The following EML4 variants were observed in gnomAD, a reference collection of about 807,000 sequenced individuals.
EML4 encodes the protein echinoderm microtubule-associated protein-like 4.
EML4 carries 72 observed loss-of-function variants against 129.0 expected under a neutral mutation model. The observed-to-expected ratio is 0.56, with a 90% CI of 0.46 to 0.68. The LOEUF is 0.68. Among genes scored for constraint, EML4 ranks in the 30% least tolerant of loss-of-function variants. The pLI is 0.00. For synonymous variants in EML4, 532 were observed against 405.0 expected, an observed-to-expected ratio of 1.31 and a Z score of -3.77; for missense variants, 1,363 against 1,190.6, an observed-to-expected ratio of 1.14 and a Z score of -2.13.
intron 8 of EML4, among the ~76,000 whole-genome samples, chr2:42,283,407 T>C (rs1667122095): frequency 6.6e-6 from 1 of 152,242 alleles, no homozygotes; most frequent in Admixed American, 6.5e-5. Context: ...ATAAGGATCA[T>C]AAGTATGCCG....
intron 1 of EML4, among the ~76,000 whole-genome samples, chr2:42,241,371 G>T (rs1173885898): frequency 6.6e-6 from 1 of 152,192 alleles, no homozygotes; most frequent in East Asian, 1.9e-4. Context: ...CTTGGCTATA[G>T]TGACCCTGTA....
intron 1 of EML4, among the ~76,000 whole-genome samples, chr2:42,225,673 T>TG (rs1164090458): frequency 6.6e-6 from 1 of 152,174 alleles, no homozygotes; most frequent in African/African-American, 2.4e-5. Flanking sequence ...TTAATTGGCA[T>TG]GTGCCTAATT....
intron 9 of EML4, chr2:42,286,047 T>A (rs553959065): frequency 1.4e-4 from 83 of 597,488 alleles, no homozygotes; most frequent in Middle Eastern, 8.8e-4. Flanking sequence ...TAGAATAGTA[T>A]GTGTAACATA....
Position 42,326,152 on chromosome 2 carries a change from AGGG to A in EML4, c.2243_2245del (p.Trp748_Asp749delinsTyr). Reference sequence around the variant, plus strand: ...TTATACTTCCTGTTTCTAAATTTAAAGGGGACATTCCAAATGGCTGCAAACTAA... The same window carrying A: ...TTATACTTCCTGTTTCTAAATTTAAAGACATTCCAAATGGCTGCAAACTAA... On this transcript the variant is annotated splice_acceptor_variant and coding_sequence_variant, in exon 21 of 23. Transcript: ENST00000318522. LOFTEE classifies it high-confidence loss of function. 6.2e-7 allele frequency: 1 copy of A among 1,612,988 alleles called. No individual in the cohort carries two copies. Among genetic ancestry groups the A allele is most frequent in the Non-Finnish European group, 8.5e-7 (1 of 1,179,546 alleles).
chr2:42,186,570 C>T (rs1186069754), intron 1 of EML4, among the ~76,000 whole-genome samples: 1 of 152,130 alleles, frequency 6.6e-6, no homozygotes, highest in Non-Finnish European at 1.5e-5. Context: ...TTTGTTTTAA[C>T]CCTGGATAAG....
At chr2:42,183,085 G>C (rs1198022674) in intron 1 of EML4, among the ~76,000 whole-genome samples, 3 of 152,180 alleles carry the variant, frequency 2.0e-5, no homozygotes, top group Admixed American at 1.3e-4. Flanking sequence ...AGCCTGGGAG[G>C]TGGAGGTTGC....
At chr2:42,220,665 C>G (rs116050785) in intron 1 of EML4, among the ~76,000 whole-genome samples, 4 of 152,192 alleles carry the variant, frequency 2.6e-5, no homozygotes, top group African/African-American at 9.6e-5. Flanking sequence ...CACTTTAAAT[C>G]AAAAGCTAGA....
At chr2:42,233,325 T>A (rs76119882) in intron 1 of EML4, among the ~76,000 whole-genome samples, 2 of 151,118 alleles carry the variant, frequency 1.3e-5, no homozygotes, top group Non-Finnish European at 3.0e-5. Context: ...TTTTTTTTTT[T>A]AATGGAGTCT....
At chr2:42,196,701 C>T (rs1229983053) in intron 1 of EML4, among the ~76,000 whole-genome samples, 1 of 152,188 alleles carries the variant, frequency 6.6e-6, no homozygotes, top group East Asian at 1.9e-4. Flanking sequence ...ACGTAATTTC[C>T]TTCTTGTTAA....
At chr2:42,191,814 C>T (rs1179156010) in intron 1 of EML4, among the ~76,000 whole-genome samples, 3 of 152,106 alleles carry the variant, frequency 2.0e-5, no homozygotes, top group African/African-American at 7.2e-5. Flanking sequence ...AATCCCAACA[C>T]TTTGGGAGGC....
At chr2:42,211,654 G>T (rs1366482044) in intron 1 of EML4, among the ~76,000 whole-genome samples, 1 of 152,068 alleles carries the variant, frequency 6.6e-6, no homozygotes, top group Non-Finnish European at 1.5e-5. Context: ...CTTCCCGGAA[G>T]GTTTCATACT....
chr2:42,270,276 A>C (rs1666294568), intron 6 of EML4, among the ~76,000 whole-genome samples: 6 of 152,124 alleles, frequency 3.9e-5, no homozygotes, highest in Admixed American at 3.9e-4. Flanking sequence ...AAGAACTTAA[A>C]GGCTAGGTGG....
chr2:42,228,797 C>T (rs1674139558), intron 1 of EML4, among the ~76,000 whole-genome samples: 1 of 152,132 alleles, frequency 6.6e-6, no homozygotes, highest in Non-Finnish European at 1.5e-5. Flanking sequence ...TTCTCTCCCC[C>T]ACAATGCTTG....
intron 4 of EML4, among the ~76,000 whole-genome samples, chr2:42,262,194 T>G (rs1665775299): frequency 6.6e-6 from 1 of 152,156 alleles, no homozygotes; most frequent in African/African-American, 2.4e-5. Context: ...AATTTAATAT[T>G]TTGCCTCAAA....
intron 1 of EML4, among the ~76,000 whole-genome samples, chr2:42,188,541 A>G (rs1671398235): frequency 6.9e-6 from 1 of 144,732 alleles, no homozygotes. Context: ...TTTAGGGTTT[A>G]CTTTTAAAAT....
At chr2:42,205,797 C>A (rs1055222310) in intron 1 of EML4, among the ~76,000 whole-genome samples, 2 of 152,048 alleles carry the variant, frequency 1.3e-5, no homozygotes, top group African/African-American at 4.8e-5. Context: ...CTAATTTGGC[C>A]CCAGCCTTCC....
chr2:42,275,626 T>A (rs1317436586), intron 6 of EML4, among the ~76,000 whole-genome samples: 2 of 152,218 alleles, frequency 1.3e-5, no homozygotes, highest in Non-Finnish European at 2.9e-5. Context: ...CTGATCAGAT[T>A]GACTTAAGAA....
At chr2:42,182,313 C>G (rs1240385501) in intron 1 of EML4, among the ~76,000 whole-genome samples, 2 of 142,052 alleles carry the variant, frequency 1.4e-5, no homozygotes, top group African/African-American at 5.2e-5. Flanking sequence ...CCCCCCTCCC[C>G]CCTCCACTGG....
At chr2:42,214,331 T>C (rs567818887) in intron 1 of EML4, among the ~76,000 whole-genome samples, 1 of 152,360 alleles carries the variant, frequency 6.6e-6, no homozygotes, top group South Asian at 2.1e-4. Flanking sequence ...CCTGAGTTTT[T>C]ATTATAAGGC....
Sources: allele counts gnomAD v4.1 joint callset (sites outside exome capture counted in the v4.1 genomes callset), GRCh38; gene constraint gnomAD v4.1.1; transcripts MANE v1.5; gene names NCBI Gene and HGNC (gene_info 2026-07-23, HGNC 2026-07-21).